Variants in DSCAM observed in about 807,000 individuals in gnomAD.
The protein encoded by DSCAM is DS cell adhesion molecule.
DSCAM carries 47 observed loss-of-function variants against 217.7 expected under a neutral mutation model. The ratio of observed to expected loss-of-function variants is 0.22; its 90% CI spans 0.17 to 0.28. DSCAM has a LOEUF of 0.28. DSCAM is among the 10% of genes least tolerant of loss of function. The pLI, the probability that DSCAM is intolerant of heterozygous loss-of-function variation, is 1.00. For synonymous variants in DSCAM, 1,056 were observed against 1,015.3 expected, an observed-to-expected ratio of 1.04 and a Z score of -0.76; for missense variants, 2,080 against 2,618.3, an observed-to-expected ratio of 0.79 and a Z score of 4.49.
chr21:40,273,479 G>A (rs1046799126), intron 11 of DSCAM, among the ~76,000 whole-genome samples: 1 of 152,034 alleles, frequency 6.6e-6, no homozygotes, highest in African/African-American at 2.4e-5. Context: ...TAGAACATTC[G>A]AACAGAGAGT....
intron 3 of DSCAM, among the ~76,000 whole-genome samples, chr21:40,453,189 C>G (rs2075735964): frequency 1.3e-5 from 2 of 151,810 alleles, no homozygotes. Context: ...AATGTATAAC[C>G]TTTTTATCTG....
chr21:40,189,593 C>G (rs1322064870), intron 11 of DSCAM, among the ~76,000 whole-genome samples: 1 of 152,172 alleles, frequency 6.6e-6, no homozygotes, highest in Non-Finnish European at 1.5e-5. Context: ...AATTCATTCC[C>G]ATGTTTCATG....
chr21:40,546,664 C>T (rs1387454060), intron 3 of DSCAM, among the ~76,000 whole-genome samples: 9 of 152,024 alleles, frequency 5.9e-5, no homozygotes, highest in South Asian at 2.1e-4. Flanking sequence ...TATATTCCTT[C>T]GAGATGAAGT....
intron 3 of DSCAM, among the ~76,000 whole-genome samples, chr21:40,577,956 G>T (rs546503370): frequency 1.3e-5 from 2 of 152,284 alleles, no homozygotes; most frequent in African/African-American, 4.8e-5. Context: ...CCTTGAGGAA[G>T]GGGCTGCCAG....
At chr21:40,282,690 G>T (rs1398968796) in intron 10 of DSCAM, among the ~76,000 whole-genome samples, 4 of 150,812 alleles carry the variant, frequency 2.7e-5, no homozygotes, top group Non-Finnish European at 5.9e-5. Context: ...ATAACATGCT[G>T]GTGTGGTTTG....
At chr21:40,781,823 C>A (rs1424301680) in intron 1 of DSCAM, among the ~76,000 whole-genome samples, 1 of 152,014 alleles carries the variant, frequency 6.6e-6, no homozygotes, top group Non-Finnish European at 1.5e-5. Context: ...GGTCAAGCTA[C>A]TGCATCTTCT....
At chr21:40,263,490 A>C (rs1316816685) in intron 11 of DSCAM, among the ~76,000 whole-genome samples, 1 of 152,222 alleles carries the variant, frequency 6.6e-6, no homozygotes, top group African/African-American at 2.4e-5. Flanking sequence ...CAAGATGGAA[A>C]TTTAAATTTT....
chr21:40,664,987 T>A (rs1292570983), intron 3 of DSCAM, among the ~76,000 whole-genome samples: 1 of 152,166 alleles, frequency 6.6e-6, no homozygotes, highest in Admixed American at 6.5e-5. Context: ...TCTCTCCCTC[T>A]TGTTCCTGCT....
intron 3 of DSCAM, among the ~76,000 whole-genome samples, chr21:40,684,698 TA>T (rs2146433173): frequency 6.6e-6 from 1 of 152,354 alleles, no homozygotes; most frequent in African/African-American, 2.4e-5. Context: ...GCACATTGTC[TA>T]AGCAAATCTT....
At chr21:40,306,037 T>C (rs1333604613) in intron 9 of DSCAM, among the ~76,000 whole-genome samples, 4 of 152,008 alleles carry the variant, frequency 2.6e-5, no homozygotes, top group Non-Finnish European at 5.9e-5. Context: ...TTGGGCAGTA[T>C]GGCCATTTTC....
At chr21:40,798,125 A>C (rs1187543506) in intron 1 of DSCAM, among the ~76,000 whole-genome samples, 1 of 152,158 alleles carries the variant, frequency 6.6e-6, no homozygotes. Flanking sequence ...ATTTAGGGTC[A>C]AAAATATACT....
At chr21:40,148,589 C>T (rs1393526487) in intron 16 of DSCAM, among the ~76,000 whole-genome samples, 1 of 152,038 alleles carries the variant, frequency 6.6e-6, no homozygotes, top group Admixed American at 6.5e-5. Flanking sequence ...TCAATTACAA[C>T]ACTAACTGGC....
chr21:40,354,244 A>G lies in DSCAM; in HGVS notation c.656-501T>C, dbSNP rs145097683. On this transcript the variant is annotated intron_variant, in intron 4 of 32. Transcript: ENST00000400454. ...ATTATAGCTTAAAGAAAAGCCAAACATATAATGTGATGGATATCCCAAGTA... is the reference window on the plus strand; with the variant it reads ...ATTATAGCTTAAAGAAAAGCCAAACGTATAATGTGATGGATATCCCAAGTA... Among the ~76,000 whole-genome samples the G allele has an allele frequency of 2.6e-3, 398 of 152,332 alleles. 2 individuals carry two copies. Among genetic ancestry groups the G allele is most frequent in the African/African-American group, 8.9e-3 (372 of 41,588 alleles).
chr21:40,380,171 C>T (rs899412670), intron 3 of DSCAM, among the ~76,000 whole-genome samples: 18 of 152,228 alleles, frequency 1.2e-4, no homozygotes, highest in Non-Finnish European at 1.3e-4. Flanking sequence ...CTGCATACTG[C>T]ATTCCAACTG....
intron 3 of DSCAM, among the ~76,000 whole-genome samples, chr21:40,517,092 T>G (rs1270184190): frequency 6.8e-6 from 1 of 147,792 alleles, no homozygotes; most frequent in Non-Finnish European, 1.5e-5. Flanking sequence ...ATATATGCAC[T>G]CACATATATA....
intron 3 of DSCAM, among the ~76,000 whole-genome samples, chr21:40,684,231 A>G (rs1257022641): frequency 6.6e-6 from 1 of 152,118 alleles, no homozygotes; most frequent in Non-Finnish European, 1.5e-5. Context: ...TCAAAAAAAA[A>G]GAAAAAAGAA....
intron 3 of DSCAM, among the ~76,000 whole-genome samples, chr21:40,423,149 C>A (rs1479645876): frequency 6.6e-6 from 1 of 152,132 alleles, no homozygotes; most frequent in African/African-American, 2.4e-5. Context: ...GAAGGTATCG[C>A]CTGGGTAATT....
chr21:40,580,008 A>T lies in DSCAM; in HGVS notation c.508+112802T>A, dbSNP rs1021045417. ...CGTGCTACACGGATCTTCACTTCAG[A>T]TCATCCACCAGAACCAATGGTGAAT... On this transcript the variant is annotated intron_variant, in intron 3 of 32. Coordinates refer to ENST00000400454, the MANE Select transcript of DSCAM (RefSeq NM_001389.5). Among the ~76,000 whole-genome samples the T allele has an allele frequency of 1.1e-4, 16 of 151,970 alleles. No homozygotes were observed. In the East Asian group the frequency reaches 3.1e-3, roughly 30 times the overall value.
chr21:40,260,969 C>T (rs1403238247), intron 11 of DSCAM, among the ~76,000 whole-genome samples: 1 of 152,186 alleles, frequency 6.6e-6, no homozygotes, highest in Non-Finnish European at 1.5e-5. Flanking sequence ...TCACAAAACA[C>T]TAACATCAGA....
Sources: allele counts gnomAD v4.1 joint callset (sites outside exome capture counted in the v4.1 genomes callset), GRCh38; gene constraint gnomAD v4.1.1; transcripts MANE v1.5; gene names NCBI Gene and HGNC (gene_info 2026-07-23, HGNC 2026-07-21).